The following SLIT1 variants were observed in gnomAD, a reference collection of about 807,000 sequenced individuals.
SLIT1 encodes slit homolog 1 protein.
SLIT1 carries 66 observed loss-of-function variants against 186.1 expected under a neutral mutation model. The ratio of observed to expected loss-of-function variants is 0.35; its 90% CI spans 0.29 to 0.44. The LOEUF (loss-of-function observed/expected upper bound fraction) is 0.44, where lower values mean the gene tolerates loss of function less well. Ranked by LOEUF, SLIT1 falls within the 20% of genes least tolerant of loss-of-function variation. The pLI, the probability that SLIT1 is intolerant of heterozygous loss-of-function variation, is 1.00. For missense variants in SLIT1, 1,638 were observed against 2,037.4 expected (o/e 0.80, Z 3.77); for synonymous variants, 761 against 833.8 (o/e 0.91, Z 1.50).
chr10:97,075,586 C>A (rs1246376976), intron 4 of SLIT1, among the ~76,000 whole-genome samples: 1 of 152,208 alleles, frequency 6.6e-6, no homozygotes, highest in Non-Finnish European at 1.5e-5. Context: ...ACTCAGCGTG[C>A]CCACTGGTAG....
At chr10:97,095,293 AAAAGAGAGAGAAAGAAACCCAATT>A (rs1004853111) in intron 4 of SLIT1, among the ~76,000 whole-genome samples, 10 of 152,168 alleles carry the variant, frequency 6.6e-5, no homozygotes, top group Non-Finnish European at 1.0e-4. Context: ...AAAAACAAAA[AAAAGAGAGAGAAAGAAACCCAATT>A]AAACTGCATC....
At chr10:97,152,154 C>T (rs560078269) in intron 4 of SLIT1, among the ~76,000 whole-genome samples, 2 of 152,280 alleles carry the variant, frequency 1.3e-5, no homozygotes, top group African/African-American at 4.8e-5. Flanking sequence ...ATCCTCAGCC[C>T]GGGCACTGAC....
intron 4 of SLIT1, among the ~76,000 whole-genome samples, chr10:97,071,290 T>G (rs539577551): frequency 6.6e-6 from 1 of 152,194 alleles, no homozygotes; most frequent in East Asian, 1.9e-4. Context: ...AAGAGCCAGA[T>G]GGAGGCAGGA....
Position 97,030,809 on chromosome 10 carries a change from T to C in SLIT1, c.2530A>G (p.Ile844Val). The change falls in exon 25 of 37, where the codon ATC (isoleucine) becomes GTC (valine). Residue 844 changes from isoleucine to valine, a missense_variant. By Grantham distance (29) the Ile-to-Val change is conservative. Coordinates refer to ENST00000266058, the MANE Select transcript of SLIT1 (RefSeq NM_003061.3). ...LRLLSLHGND[I>V]STLQEGIFAD... ...AAGATGCCCTCTTGGAGGGTGGAGA[T>C]GTCATTGCCGTGGAGAGACCTGAGA... is the stretch of plus-strand genomic sequence containing the variant. The C allele has an allele frequency of 6.2e-7, 1 of 1,613,986 alleles. No homozygotes were observed. Among genetic ancestry groups the C allele is most frequent in the Non-Finnish European group, 8.5e-7 (1 of 1,179,982 alleles).
At position 97,043,571 on chromosome 10, in the gene SLIT1, TGG is replaced by T; in HGVS notation, c.1854-60_1854-59del. ...CTTGCTGCCCTGCCAGCCATCCACC[TGG>T]GCCACGCAGCTTCCGCCATCGTGGC... On this transcript the variant is annotated intron_variant, in intron 18 of 36. Transcript: ENST00000266058. The surrounding 1 kb of genome is among the most constrained non-coding windows in gnomAD (Gnocchi z 7.0). 1 of 1,521,442 alleles carries T rather than the reference TGG, an allele frequency of 6.6e-7. No homozygotes were observed. The allele number at this position is 1,521,442 out of a possible 1,614,324, so 94.2% of individuals were successfully genotyped here. A position where few individuals can be genotyped will look rare whatever the true frequency, so the allele number is the denominator to read the frequency against.
intron 4 of SLIT1, among the ~76,000 whole-genome samples, chr10:97,071,217 A>G (rs1252801567): frequency 1.3e-5 from 2 of 152,210 alleles, no homozygotes; most frequent in East Asian, 1.9e-4. Flanking sequence ...TGGGGAGAAG[A>G]CAGACACAGC....
chr10:97,152,288 G>C (rs527528167), intron 4 of SLIT1, among the ~76,000 whole-genome samples: 1 of 152,172 alleles, frequency 6.6e-6, no homozygotes, highest in Non-Finnish European at 1.5e-5. Flanking sequence ...TTGGGGGAAG[G>C]TCCCTGCAAA....
At chr10:97,177,370 A>G (rs954907810) in intron 1 of SLIT1, among the ~76,000 whole-genome samples, 2 of 152,118 alleles carry the variant, frequency 1.3e-5, no homozygotes, top group African/African-American at 4.8e-5. Context: ...CTCAGACTCG[A>G]GCATCAGAGT....
intron 4 of SLIT1, chr10:97,153,250 C>T (rs1473153681): frequency 6.6e-6 from 1 of 152,234 alleles, no homozygotes; most frequent in Non-Finnish European, 1.5e-5. Flanking sequence ...GACAGACTAA[C>T]CTCACAGCAG....
At chr10:97,108,456 C>T (rs1455681642) in intron 4 of SLIT1, among the ~76,000 whole-genome samples, 2 of 152,328 alleles carry the variant, frequency 1.3e-5, no homozygotes, top group East Asian at 1.9e-4. Context: ...TCCACCAAAT[C>T]GAGAGTTCCA....
chr10:97,057,901 G>C (rs901431778), intron 11 of SLIT1: 1 of 692,908 alleles, frequency 1.4e-6, no homozygotes, highest in Non-Finnish European at 2.7e-6. Flanking sequence ...GTTTGGGGAG[G>C]GGGGTTGTAT....
In SLIT1 at chr10:97,004,644, G is replaced by A. The variant is rs1391278180; in HGVS notation, c.3710+49C>T. ...CTTTTGGCCCAGGAGACCTCGCCCT[G>A]GCAGTCCCGTACCCCTGAGGGCAGC... is the stretch of plus-strand genomic sequence containing the variant. On this transcript the variant is annotated intron_variant, in intron 33 of 36. Transcript: ENST00000266058. This position sits in a 1 kb window ranked among gnomAD's most constrained non-coding sequence, Gnocchi z 5.1. 5 of 1,610,526 alleles carry A rather than the reference G, an allele frequency of 3.1e-6. No individual in the cohort carries two copies. Among genetic ancestry groups the A allele is most frequent in the South Asian group, 1.1e-5 (1 of 90,862 alleles).
intron 13 of SLIT1, among the ~76,000 whole-genome samples, chr10:97,051,432 T>C (rs1349859500): frequency 6.6e-6 from 1 of 152,010 alleles, no homozygotes; most frequent in Non-Finnish European, 1.5e-5. Context: ...GGTGGGAATG[T>C]AAAATAGTAC....
chr10:97,071,313 C>G (rs1351930485), intron 4 of SLIT1, among the ~76,000 whole-genome samples: 1 of 152,140 alleles, frequency 6.6e-6, no homozygotes, highest in Admixed American at 6.6e-5. Context: ...GAGTGGTGGC[C>G]TGAGGACGTC....
chr10:97,066,348 G>C lies in SLIT1; in HGVS notation c.414-262C>G, dbSNP rs149972622. 2.0e-5 allele frequency among the ~76,000 whole-genome samples: 3 copies of C among 152,336 alleles called. No homozygotes were observed. The South Asian group carries it at 6.2e-4, about 32-fold the overall frequency. Reference sequence around the variant, plus strand: ...CAGCCACCTCCCCTTCTCTGGGCTCGGGGCTTGCAGCTGGAAGGAGAAGCC... The same window carrying C: ...CAGCCACCTCCCCTTCTCTGGGCTCCGGGCTTGCAGCTGGAAGGAGAAGCC... On this transcript the variant is annotated intron_variant, in intron 4 of 36. Transcript: ENST00000266058.
rs1390830917 is a variant in SLIT1, at chr10:97,184,564, TACAC to T, written c.197+910_197+913del. Among the ~76,000 whole-genome samples, 2 of 151,590 alleles carry T rather than the reference TACAC, an allele frequency of 1.3e-5. No individual in the cohort carries two copies. Among genetic ancestry groups the T allele is most frequent in the Non-Finnish European group, 2.9e-5 (2 of 67,864 alleles). Reference sequence around the variant, plus strand: ...AAAACAAAGTATAAAGGTCTGTAAATACACACACTCAAACACACCCAAACACACA... The same window carrying T: ...AAAACAAAGTATAAAGGTCTGTAAATACACTCAAACACACCCAAACACACA... On this transcript the variant is annotated intron_variant, in intron 1 of 36. Coordinates refer to ENST00000266058, the MANE Select transcript of SLIT1 (RefSeq NM_003061.3). The surrounding 1 kb of genome is among the most constrained non-coding windows in gnomAD (Gnocchi z 4.4).
At chr10:97,136,831 A>G (rs1213384229) in intron 4 of SLIT1, among the ~76,000 whole-genome samples, 1 of 152,192 alleles carries the variant, frequency 6.6e-6, no homozygotes, top group African/African-American at 2.4e-5. Context: ...CACCAGGAAC[A>G]CCTCTCAACC....
intron 4 of SLIT1, among the ~76,000 whole-genome samples, chr10:97,120,254 T>C (rs1849549071): frequency 6.6e-6 from 1 of 152,090 alleles, no homozygotes; most frequent in South Asian, 2.1e-4. Context: ...TCCCTGTGAC[T>C]GCTGAGCTCA....
At chr10:97,112,658 C>A (rs116535447) in intron 4 of SLIT1, among the ~76,000 whole-genome samples, 2,215 of 152,320 alleles carry the variant, frequency 0.015, 48 homozygotes, top group African/African-American at 0.05. Flanking sequence ...TAACCCAAAA[C>A]TCTTTGGTTC....
Sources: gnomAD v4.1 joint callset for allele counts (sites outside exome capture counted in the v4.1 genomes callset) on GRCh38, gnomAD v4.1.1 for gene constraint, Gnocchi (gnomAD v3.1) non-coding constraint, MANE v1.5 for transcripts, NCBI Gene and HGNC (gene_info 2026-07-23, HGNC 2026-07-21) for gene names.